Variants in NXPH1 observed in about 807,000 individuals in gnomAD.
NXPH1 encodes neurexophilin 1.
Under a neutral mutation model 23.7 loss-of-function variants are expected in NXPH1, and 5 were observed. The observed-to-expected ratio is 0.21, with a 90% confidence interval of 0.11 to 0.44. NXPH1 has a LOEUF of 0.44. NXPH1 is among the 20% of genes least tolerant of loss of function. The pLI, the probability that NXPH1 is intolerant of heterozygous loss-of-function variation, is 0.99. For synonymous variants in NXPH1, 144 were observed against 122.2 expected (o/e 1.18, Z -1.18); for missense variants, 324 against 321.6 (o/e 1.01, Z -0.06).
intron 2 of NXPH1, among the ~76,000 whole-genome samples, chr7:8,595,637 A>G (rs1819205525): frequency 6.6e-6 from 1 of 152,102 alleles, no homozygotes; most frequent in Non-Finnish European, 1.5e-5. Flanking sequence ...ACTTCTGACA[A>G]TTTGTGAAAG....
At chr7:8,681,706 C>G (rs952921140) in intron 2 of NXPH1, among the ~76,000 whole-genome samples, 3 of 152,196 alleles carry the variant, frequency 2.0e-5, no homozygotes, top group Admixed American at 2.0e-4. Context: ...AATTATTATA[C>G]TGCATTACAA....
intron 2 of NXPH1, among the ~76,000 whole-genome samples, chr7:8,535,920 G>T (rs1212867211): frequency 6.6e-6 from 1 of 151,922 alleles, no homozygotes; most frequent in Non-Finnish European, 1.5e-5. Context: ...CATCTCCTTT[G>T]TTCCCATATC....
At chr7:8,520,869 T>C (rs77594405) in intron 2 of NXPH1, among the ~76,000 whole-genome samples, 1,653 of 152,298 alleles carry the variant, frequency 0.011, 34 homozygotes, top group African/African-American at 0.038. Flanking sequence ...GAATTCATTC[T>C]GTCCTTATAA....
chr7:8,489,898 G>A (rs1817220887), intron 2 of NXPH1, among the ~76,000 whole-genome samples: 1 of 152,072 alleles, frequency 6.6e-6, no homozygotes, highest in Non-Finnish European at 1.5e-5. Flanking sequence ...GTTTTGGTCT[G>A]ATGCCCTGGT....
chr7:8,709,895 A>G (rs1201598600), intron 2 of NXPH1, among the ~76,000 whole-genome samples: 1 of 152,238 alleles, frequency 6.6e-6, no homozygotes, highest in Non-Finnish European at 1.5e-5. Flanking sequence ...GCAGCCAAGT[A>G]GTTGAACTTA....
chr7:8,743,576 A>G (rs1780406226), intron 2 of NXPH1, among the ~76,000 whole-genome samples: 1 of 152,160 alleles, frequency 6.6e-6, no homozygotes, highest in Non-Finnish European at 1.5e-5. Context: ...TTATGGCATT[A>G]TTACTATAAA....
chr7:8,647,931 T>C (rs1339348820), intron 2 of NXPH1, among the ~76,000 whole-genome samples: 1 of 152,192 alleles, frequency 6.6e-6, no homozygotes, highest in Non-Finnish European at 1.5e-5. Flanking sequence ...GTAGTTCTTA[T>C]AATGTGTTTC....
At chr7:8,503,278 G>C (rs1483855815) in intron 2 of NXPH1, among the ~76,000 whole-genome samples, 1 of 152,008 alleles carries the variant, frequency 6.6e-6, no homozygotes, top group Non-Finnish European at 1.5e-5. Flanking sequence ...GAAACAACTT[G>C]CACAAGGAAG....
chr7:8,646,507 G>T (rs897382517), intron 2 of NXPH1, among the ~76,000 whole-genome samples: 1 of 152,076 alleles, frequency 6.6e-6, no homozygotes, highest in South Asian at 2.1e-4. Context: ...CTTTAGAAGA[G>T]AATGCTAATA....
intron 2 of NXPH1, among the ~76,000 whole-genome samples, chr7:8,728,141 T>C (rs900252176): frequency 6.6e-6 from 1 of 151,748 alleles, no homozygotes; most frequent in African/African-American, 2.4e-5. Context: ...TCTCTGTTTG[T>C]CTGTTGTTGG....
intron 2 of NXPH1, among the ~76,000 whole-genome samples, chr7:8,499,856 A>G (rs917275845): frequency 3.3e-5 from 5 of 152,078 alleles, no homozygotes; most frequent in Non-Finnish European, 7.4e-5. Flanking sequence ...CAGAGAGGGA[A>G]GGACTGGGCC....
chr7:8,655,400 T>TTC (rs869162322), intron 2 of NXPH1, among the ~76,000 whole-genome samples: 2,597 of 42,280 alleles, frequency 0.061, 37 homozygotes, highest in East Asian at 0.17. Context: ...GTCTTTGTCT[T>TTC]TCTCTCTCTC....
At chr7:8,736,321 A>G (rs917432701) in intron 2 of NXPH1, among the ~76,000 whole-genome samples, 2 of 152,090 alleles carry the variant, frequency 1.3e-5, no homozygotes, top group Non-Finnish European at 2.9e-5. Context: ...AGATTCTAGT[A>G]TGTTGTGTCT....
chr7:8,451,797 G>A (rs1251004032), intron 2 of NXPH1, among the ~76,000 whole-genome samples: 9 of 152,182 alleles, frequency 5.9e-5, no homozygotes. Context: ...TGTTCAAATG[G>A]CTGACTGAGA....
At chr7:8,564,002 T>G (rs920445030) in intron 2 of NXPH1, among the ~76,000 whole-genome samples, 55 of 151,934 alleles carry the variant, frequency 3.6e-4, no homozygotes, top group Middle Eastern at 3.4e-3. Flanking sequence ...GTAGAATATA[T>G]GCAAAGAACA....
In NXPH1 at chr7:8,483,396, T is replaced by A. The variant is rs190565008; in HGVS notation, c.54+47629T>A. Among the ~76,000 whole-genome samples the A allele has an allele frequency of 3.5e-3, 531 of 152,210 alleles. 4 individuals are homozygous for A. Among genetic ancestry groups the A allele is most frequent in the African/African-American group, 0.012 (513 of 41,538 alleles). ...CTCCGGCTGGAGTAGAGTGGTGTGA[T>A]CTTGGCTCACTGCAGCCTTGACCTC... is the stretch of plus-strand genomic sequence containing the variant. On this transcript the variant is annotated intron_variant, in intron 2 of 2. Coordinates refer to ENST00000405863, the MANE Select transcript of NXPH1 (RefSeq NM_152745.3).
chr7:8,537,817 A>AT (rs1026667676), intron 2 of NXPH1, among the ~76,000 whole-genome samples: 2 of 151,634 alleles, frequency 1.3e-5, no homozygotes, highest in African/African-American at 2.4e-5. Flanking sequence ...TGTAATTGGT[A>AT]TTTTTTTCTC....
chr7:8,531,387 C>G (rs988446019), intron 2 of NXPH1, among the ~76,000 whole-genome samples: 1 of 152,188 alleles, frequency 6.6e-6, no homozygotes, highest in East Asian at 1.9e-4. Flanking sequence ...ACAGTTTTTA[C>G]ATGTACAGAA....
At chr7:8,738,946 A>C (rs1269365214) in intron 2 of NXPH1, among the ~76,000 whole-genome samples, 1 of 151,938 alleles carries the variant, frequency 6.6e-6, no homozygotes, top group African/African-American at 2.4e-5. Context: ...TCGCCTACTC[A>C]AGCCTCAATA....
Sources: gnomAD v4.1 joint callset for allele counts (sites outside exome capture counted in the v4.1 genomes callset) on GRCh38, gnomAD v4.1.1 for gene constraint, MANE v1.5 for transcripts, NCBI Gene and HGNC (gene_info 2026-07-23, HGNC 2026-07-21) for gene names.